CAMTA1: variants seen among roughly 807,000 people sequenced by gnomAD.
CAMTA1 encodes the protein calmodulin binding transcription activator 1.
Under a neutral mutation model 170.9 loss-of-function variants are expected in CAMTA1, and 27 were observed. That is an observed-to-expected ratio of 0.16 (90% CI 0.12 to 0.22). The LOEUF (loss-of-function observed/expected upper bound fraction) is 0.22. Among genes scored for constraint, CAMTA1 ranks in the 10% least tolerant of loss-of-function variants. The pLI, the probability that CAMTA1 is intolerant of heterozygous loss-of-function variation, is 1.00. For synonymous variants in CAMTA1, 833 were observed against 891.5 expected (o/e 0.93, Z 1.17); for missense variants, 1,619 against 2,217.2 (o/e 0.73, Z 5.42).
At chr1:7,568,347 T>G (rs1466559251) in intron 6 of CAMTA1, among the ~76,000 whole-genome samples, 1 of 136,252 alleles carries the variant, frequency 7.3e-6, no homozygotes, top group African/African-American at 3.0e-5. Context: ...CATCACCACA[T>G]CACCATCATC....
Position 6,992,949 on chromosome 1 carries a change from T to C in CAMTA1, c.235-98355T>C, listed in dbSNP as rs568334598. Among the ~76,000 whole-genome samples the C allele has an allele frequency of 7.9e-5, 12 of 152,374 alleles. No individual in the cohort carries two copies. The South Asian group carries it at 1.2e-3, about 16-fold the overall frequency. On this transcript the variant is annotated intron_variant, in intron 3 of 22. Transcript: ENST00000303635. ...ACAACATTGTTATTTTCCATAGTGA[T>C]GTCTAGTTGTTCAGCACCATTTGTT...
Position 7,748,649 on chromosome 1 carries a change from G to T in CAMTA1, c.4689+868G>T, listed in dbSNP as rs925984661. On this transcript the variant is annotated intron_variant, in intron 19 of 22. Transcript: ENST00000303635. The surrounding 1 kb of genome is among the most constrained non-coding windows in gnomAD (Gnocchi z 4.7). ...CTGGCTATTTATTACCTTTGAGTTT[G>T]AATTATATAAGGTATTTAATCTTTG... Among the ~76,000 whole-genome samples the T allele has an allele frequency of 6.6e-6, 1 of 152,134 alleles. No individual in the cohort carries two copies. The highest frequency in any genetic ancestry group is 2.4e-5 in the African/African-American group (1 of 41,436).
chr1:7,099,818 CT>C (rs1642509740), intron 4 of CAMTA1, among the ~76,000 whole-genome samples: 1 of 152,220 alleles, frequency 6.6e-6, no homozygotes, highest in Admixed American at 6.5e-5. Flanking sequence ...GGGCGAGGGG[CT>C]GGGAATGTCA....
intron 10 of CAMTA1, among the ~76,000 whole-genome samples, chr1:7,676,958 C>T (rs749246322): frequency 6.6e-6 from 1 of 152,162 alleles, no homozygotes; most frequent in Non-Finnish European, 1.5e-5. Flanking sequence ...GTTAACGAGA[C>T]CTGCCAGGGC....
chr1:7,678,503 G>T (rs1406124549), intron 11 of CAMTA1, among the ~76,000 whole-genome samples: 1 of 152,194 alleles, frequency 6.6e-6, no homozygotes, highest in Non-Finnish European at 1.5e-5. Context: ...GGTTCCCCTT[G>T]GGGTACCAGG....
chr1:7,605,959 C>T (rs1046694617), intron 6 of CAMTA1, among the ~76,000 whole-genome samples: 1 of 152,220 alleles, frequency 6.6e-6, no homozygotes, highest in African/African-American at 2.4e-5. Context: ...GTGACACTGT[C>T]CTCCCTTGGA....
intron 6 of CAMTA1, among the ~76,000 whole-genome samples, chr1:7,611,593 A>G (rs571451847): frequency 6.6e-6 from 1 of 152,286 alleles, no homozygotes; most frequent in African/African-American, 2.4e-5. Context: ...GGAACATGCC[A>G]CCTGGGCTGC....
chr1:7,760,869 T>G (rs1254458052), intron 22 of CAMTA1, among the ~76,000 whole-genome samples: 1 of 152,236 alleles, frequency 6.6e-6, no homozygotes, highest in Non-Finnish European at 1.5e-5. Flanking sequence ...CACTGACTCA[T>G]GAGACATTTC....
Position 7,664,863 on chromosome 1 carries a change from G to C in CAMTA1, c.2316G>C (p.Gln772His). The C allele has an allele frequency of 6.2e-7, 1 of 1,613,422 alleles. No individual in the cohort carries two copies. The highest frequency in any genetic ancestry group is 1.1e-5 in the South Asian group (1 of 91,086). The change falls in exon 9 of 23, where the codon CAG becomes CAC. Residue 772 changes from glutamine (Q) to histidine (H), a missense_variant. Transcript: ENST00000303635. Reference sequence around the variant, plus strand: ...ACTTTGACATCTCCTTCAGCAACCAGTTCTCCGACCTGATCAACGACTTCA... The same window carrying C: ...ACTTTGACATCTCCTTCAGCAACCACTTCTCCGACCTGATCAACGACTTCA... ...LDHFDISFSNQFSDLINDFIS... is the reference protein window; with the variant it reads ...LDHFDISFSNHFSDLINDFIS...
At chr1:7,612,538 A>C (rs2095530960) in intron 6 of CAMTA1, among the ~76,000 whole-genome samples, 1 of 152,154 alleles carries the variant, frequency 6.6e-6, no homozygotes, top group Non-Finnish European at 1.5e-5. Flanking sequence ...GCCTGTTCCC[A>C]TTTAGGGCTG....
chr1:7,303,269 C>G (rs1415389510), intron 5 of CAMTA1, among the ~76,000 whole-genome samples: 1 of 152,170 alleles, frequency 6.6e-6, no homozygotes, highest in African/African-American at 2.4e-5. Context: ...GCACCACAAG[C>G]TTTGAATTAA....
At chr1:7,188,677 C>T (rs1361969603) in intron 4 of CAMTA1, among the ~76,000 whole-genome samples, 2 of 152,188 alleles carry the variant, frequency 1.3e-5, no homozygotes, top group Non-Finnish European at 2.9e-5. Flanking sequence ...TAATATTCCA[C>T]TGTATTCCAT....
intron 6 of CAMTA1, among the ~76,000 whole-genome samples, chr1:7,554,587 T>C (rs1211434761): frequency 6.6e-6 from 1 of 152,188 alleles, no homozygotes; most frequent in Admixed American, 6.5e-5. Flanking sequence ...ATCCCTGCTC[T>C]TGCCCCCTCC....
Position 7,665,061 on chromosome 1 carries a change from C to A in CAMTA1, c.2514C>A (p.Gly838=). ...GCCTGCAGCTGAGCAGCTCGGAGGGCGGGGCCAGCACCATGGCCTACATGC... is the reference window on the plus strand; with the variant it reads ...GCCTGCAGCTGAGCAGCTCGGAGGGAGGGGCCAGCACCATGGCCTACATGC... ...QGSLQLSSSE[G]GASTMAYMHV... The change falls in exon 9 of 23, where the codon GGC becomes GGA. Residue 838 remains glycine, a synonymous_variant. Transcript: ENST00000303635. The surrounding 1 kb of genome is among the most constrained non-coding windows in gnomAD (Gnocchi z 4.3). 1 of 1,572,486 alleles carries A rather than the reference C, an allele frequency of 6.4e-7. No individual in the cohort carries two copies.
chr1:7,700,009 G>A (rs1013755128), intron 11 of CAMTA1, among the ~76,000 whole-genome samples: 5 of 152,146 alleles, frequency 3.3e-5, no homozygotes, highest in Non-Finnish European at 7.3e-5. Flanking sequence ...GCCCTTTGAA[G>A]CAAAGAGGTT....
intron 3 of CAMTA1, among the ~76,000 whole-genome samples, chr1:7,001,345 T>G (rs1253982755): frequency 1.3e-5 from 2 of 152,216 alleles, no homozygotes; most frequent in African/African-American, 2.4e-5. Flanking sequence ...TAACCCTACC[T>G]CTGAATCCCA....
chr1:7,310,728 T>C (rs1481346963), intron 5 of CAMTA1, among the ~76,000 whole-genome samples: 19 of 122,872 alleles, frequency 1.5e-4, no homozygotes, highest in Non-Finnish European at 1.7e-4. Flanking sequence ...CTTTCTTTCT[T>C]TCTTTCTTTC....
At chr1:6,977,395 C>T (rs1173894541) in intron 3 of CAMTA1, among the ~76,000 whole-genome samples, 1 of 151,698 alleles carries the variant, frequency 6.6e-6, no homozygotes, top group Non-Finnish European at 1.5e-5. Context: ...GGCTGGAGTG[C>T]AGTGGCGCAG....
intron 4 of CAMTA1, among the ~76,000 whole-genome samples, chr1:7,160,672 C>A (rs539607928): frequency 4.6e-5 from 7 of 152,254 alleles, no homozygotes; most frequent in Admixed American, 1.3e-4. Context: ...TGGGAAATTT[C>A]ATCTATTTTT....
Sources: gnomAD v4.1 joint callset for allele counts (sites outside exome capture counted in the v4.1 genomes callset) on GRCh38, gnomAD v4.1.1 for gene constraint, Gnocchi (gnomAD v3.1) non-coding constraint, MANE v1.5 for transcripts, NCBI Gene and HGNC (gene_info 2026-07-23, HGNC 2026-07-21) for gene names.